ADGRB3: variants seen among roughly 807,000 people sequenced by gnomAD.
The protein encoded by ADGRB3 is adhesion G protein-coupled receptor B3.
A neutral mutation model predicts 193.4 loss-of-function variants in ADGRB3; 37 were observed. The observed-to-expected ratio is 0.19, with a 90% confidence interval of 0.15 to 0.25. The LOEUF (loss-of-function observed/expected upper bound fraction) is 0.25, where lower values mean the gene tolerates loss of function less well. ADGRB3 is among the 10% of genes least tolerant of loss of function. ADGRB3 has a pLI of 1.00. For missense variants in ADGRB3, 1,637 were observed against 1,852.9 expected, an observed-to-expected ratio of 0.88 and a Z score of 2.14; for synonymous variants, 690 against 644.2, an observed-to-expected ratio of 1.07 and a Z score of -1.08.
At chr6:69,078,198 G>C (rs902942991) in intron 17 of ADGRB3, among the ~76,000 whole-genome samples, 2 of 151,796 alleles carry the variant, frequency 1.3e-5, no homozygotes, top group African/African-American at 4.8e-5. Context: ...CTTTAATTTT[G>C]GTTTATCAAG....
intron 17 of ADGRB3, among the ~76,000 whole-genome samples, chr6:69,102,806 C>CT (rs987471742): frequency 4.6e-5 from 7 of 152,124 alleles, no homozygotes; most frequent in Non-Finnish European, 8.8e-5. Context: ...AAGTCACAAC[C>CT]TTTTTTTGAT....
At chr6:69,264,322 T>C (rs1420159390) in intron 20 of ADGRB3, among the ~76,000 whole-genome samples, 7 of 151,962 alleles carry the variant, frequency 4.6e-5, no homozygotes, top group Admixed American at 6.6e-5. Context: ...GGTCTTTGCT[T>C]TCACGTGCTA....
intron 30 of ADGRB3, among the ~76,000 whole-genome samples, chr6:69,378,346 G>C (rs916465323): frequency 2.0e-5 from 3 of 151,952 alleles, no homozygotes; most frequent in Non-Finnish European, 4.4e-5. Flanking sequence ...AGTGCTCCCT[G>C]AATCTATGAG....
intron 3 of ADGRB3, among the ~76,000 whole-genome samples, chr6:68,699,774 C>A (rs1390646287): frequency 6.6e-6 from 1 of 150,630 alleles, no homozygotes; most frequent in African/African-American, 2.4e-5. Context: ...CCATTATGAA[C>A]AACAGTCCTA....
At chr6:69,277,226 C>A (rs1767322275) in intron 20 of ADGRB3, among the ~76,000 whole-genome samples, 2 of 152,018 alleles carry the variant, frequency 1.3e-5, no homozygotes, top group Admixed American at 6.6e-5. Context: ...AACTCCTGAC[C>A]TTGTGATTTG....
At chr6:69,200,982 A>T (rs186043847) in intron 17 of ADGRB3, among the ~76,000 whole-genome samples, 2 of 152,128 alleles carry the variant, frequency 1.3e-5, no homozygotes, top group African/African-American at 4.8e-5. Flanking sequence ...TTAATAAGCA[A>T]CATAAGATGA....
chr6:68,877,035 C>T (rs1164823792), intron 3 of ADGRB3, among the ~76,000 whole-genome samples: 2 of 151,966 alleles, frequency 1.3e-5, no homozygotes, highest in African/African-American at 4.8e-5. Flanking sequence ...TATAAATCAT[C>T]TTTTTAAGTT....
At chr6:69,035,619 G>A (rs1484975815) in intron 13 of ADGRB3, among the ~76,000 whole-genome samples, 3 of 152,098 alleles carry the variant, frequency 2.0e-5, no homozygotes, top group African/African-American at 4.8e-5. Flanking sequence ...GGAGTAACAT[G>A]ATTCAATTTA....
intron 3 of ADGRB3, among the ~76,000 whole-genome samples, chr6:68,821,542 C>T (rs1173071112): frequency 6.6e-6 from 1 of 151,770 alleles, no homozygotes; most frequent in Admixed American, 6.6e-5. Context: ...ACATATTTTG[C>T]AGTGGCATTC....
chr6:68,653,293 G>A (rs139087856), intron 3 of ADGRB3, among the ~76,000 whole-genome samples: 11 of 152,208 alleles, frequency 7.2e-5, no homozygotes, highest in Admixed American at 2.6e-4. Context: ...AGAAGTTAGG[G>A]GTTGGTGGTG....
chr6:69,208,129 C>G (rs1765578414), intron 17 of ADGRB3, among the ~76,000 whole-genome samples: 1 of 152,170 alleles, frequency 6.6e-6, no homozygotes, highest in Non-Finnish European at 1.5e-5. Flanking sequence ...AACCTCCATT[C>G]CTGCCACCAT....
rs141278556 is a variant in ADGRB3, at chr6:68,855,098, G to A, written c.758-75461G>A. On this transcript the variant is annotated intron_variant, in intron 3 of 31. Coordinates refer to ENST00000370598, the MANE Select transcript of ADGRB3 (RefSeq NM_001704.3). Reference sequence around the variant, plus strand: ...TGAAAAGAGCTTCTTCCAGGCCTAAGTCTTTTGCTGCATTTTGCATTATTA... The same window carrying A: ...TGAAAAGAGCTTCTTCCAGGCCTAAATCTTTTGCTGCATTTTGCATTATTA... 4.9e-3 allele frequency among the ~76,000 whole-genome samples: 743 copies of A among 152,294 alleles called. 2 individuals are homozygous for A. The highest frequency in any genetic ancestry group is 0.017 in the Middle Eastern group (5 of 294).
At chr6:69,123,709 G>T (rs540547938) in intron 17 of ADGRB3, among the ~76,000 whole-genome samples, 1 of 152,264 alleles carries the variant, frequency 6.6e-6, no homozygotes, top group East Asian at 1.9e-4. Context: ...GGGAGTAGGG[G>T]AGCGAATCAT....
chr6:68,986,049 G>T (rs1769063919), intron 10 of ADGRB3, among the ~76,000 whole-genome samples: 1 of 152,078 alleles, frequency 6.6e-6, no homozygotes, highest in Admixed American at 6.6e-5. Flanking sequence ...GCTCAGGATT[G>T]CAGTTTTGTC....
intron 3 of ADGRB3, among the ~76,000 whole-genome samples, chr6:68,881,149 C>T (rs1028497795): frequency 6.8e-5 from 10 of 148,070 alleles, no homozygotes; most frequent in Admixed American, 1.4e-4. Flanking sequence ...GGTATACCCC[C>T]AGGTTTTAAA....
intron 28 of ADGRB3, among the ~76,000 whole-genome samples, chr6:69,356,624 G>T (rs547297477): frequency 6.6e-6 from 1 of 152,202 alleles, no homozygotes; most frequent in Admixed American, 6.6e-5. Flanking sequence ...ACCAAGTAAT[G>T]GTTGTTGGGT....
At chr6:69,184,083 T>C (rs958979260) in intron 17 of ADGRB3, among the ~76,000 whole-genome samples, 1 of 152,176 alleles carries the variant, frequency 6.6e-6, no homozygotes, top group Non-Finnish European at 1.5e-5. Context: ...ATAACAAGGC[T>C]GGTGGCCATG....
intron 28 of ADGRB3, 131 bp from the exon 29 acceptor site, chr6:69,360,737 AT>A (rs35369333): frequency 9.9e-5 from 92 of 929,074 alleles, no homozygotes; most frequent in East Asian, 1.1e-4. Context: ...ATTGATATGT[AT>A]TTTTTTTAAA....
At position 68,877,078 on chromosome 6, in the gene ADGRB3, A is replaced by T. The variant is rs965457464; in HGVS notation, c.758-53481A>T. Among the ~76,000 whole-genome samples, 6 of 152,146 alleles carry T rather than the reference A, an allele frequency of 3.9e-5. No individual in the cohort carries two copies. The East Asian group carries it at 7.7e-4, about 20-fold the overall frequency. On this transcript the variant is annotated intron_variant, in intron 3 of 31. Transcript: ENST00000370598. Reference sequence around the variant, plus strand: ...TAGTATTAGTATTATTTTGATCCACATATCTCTTGACTTTTTTCTTTTAAG... The same window carrying T: ...TAGTATTAGTATTATTTTGATCCACTTATCTCTTGACTTTTTTCTTTTAAG...
Sources: gnomAD v4.1 joint callset for allele counts (sites outside exome capture counted in the v4.1 genomes callset) on GRCh38, gnomAD v4.1.1 for gene constraint, MANE v1.5 for transcripts, NCBI Gene and HGNC (gene_info 2026-07-23, HGNC 2026-07-21) for gene names.